Variants in LILRB1 observed in about 807,000 individuals in gnomAD.
LILRB1 encodes the protein leukocyte immunoglobulin-like receptor subfamily B member 1.
In LILRB1, 59 loss-of-function variants were observed where a neutral mutation model predicts 74.6. The observed-to-expected ratio is 0.79, with a 90% CI of 0.64 to 0.98. LILRB1 has a LOEUF of 0.98. LILRB1 is among the 50% of genes least tolerant of loss of function. The probability of loss-of-function intolerance (pLI) is 0.00; values close to 1 mark genes in which losing one functional copy is unlikely to be tolerated. For missense variants in LILRB1, 804 were observed against 822.6 expected (o/e 0.98, Z 0.28); for synonymous variants, 328 against 333.9 (o/e 0.98, Z 0.19).
rs576242823 is a variant in LILRB1 at position 54,634,351 on chromosome 19, T to C, written c.1364-290T>C. 3.4e-5 allele frequency: 52 copies of C among 1,539,842 alleles called. No homozygotes were observed. The South Asian group carries it at 6.0e-4, about 18-fold the overall frequency. On this transcript the variant is annotated intron_variant, in intron 9 of 14. Transcript: ENST00000324602. ...GAGTCATGGTTCAGGACGGTCAGGC[T>C]CTTTCCCTGCAGCTCCGGGGCTCGG... is the stretch of plus-strand genomic sequence containing the variant.
At chr19:54,627,687 C>G (rs376706078), upstream of LILRB1, among the ~76,000 whole-genome samples, 6 of 152,336 alleles carry the variant, frequency 3.9e-5, no homozygotes, top group African/African-American at 1.2e-4. Context: ...TTCTAAGCAG[C>G]TCTGTCAGCC....
At chr19:54,619,528 C>G (rs1432493900) in intron 1 of LILRB1, among the ~76,000 whole-genome samples, 2 of 152,062 alleles carry the variant, frequency 1.3e-5, no homozygotes, top group Non-Finnish European at 2.9e-5. Flanking sequence ...TATAATCTGT[C>G]TTTTTGAAAT....
upstream of LILRB1, among the ~76,000 whole-genome samples, chr19:54,616,957 G>A (rs933754123): frequency 6.6e-6 from 1 of 152,162 alleles, no homozygotes; most frequent in East Asian, 1.9e-4. Context: ...GCTTGTCCAG[G>A]AAGCACATAT....
In LILRB1 at chr19:54,636,427, G is replaced by A. The variant is rs1459844658; in HGVS notation, c.1654-67G>A. 3 of 1,591,316 alleles carry A rather than the reference G, an allele frequency of 1.9e-6. No homozygotes were observed. The East Asian group carries it at 6.7e-5, about 36-fold the overall frequency. ...ATGTAATCGGATCACCCGGGGAACA[G>A]TGAGGAAAATTGACTCCAGGGGGTC... On this transcript the variant is annotated intron_variant, in intron 13 of 14. Coordinates refer to ENST00000324602, the MANE Select transcript of LILRB1 (RefSeq NM_001081637.3).
chr19:54,630,001 C>T (rs2063717059), upstream of LILRB1, among the ~76,000 whole-genome samples: 1 of 152,134 alleles, frequency 6.6e-6, no homozygotes, highest in Admixed American at 6.5e-5. Context: ...ACGCCAAGAT[C>T]CTCTTATGTC....
chr19:54,621,155 T>A lies in LILRB1; in HGVS notation c.-166+3806T>A, dbSNP rs2063446065. On this transcript the variant is annotated intron_variant, in intron 1 of 15. Transcript: ENST00000396331. Reference sequence around the variant, plus strand: ...TCCCAAAGTGCTGGGATTACAGGCGTGAGCCACCACACCTGACCCAATTGT... The same window carrying A: ...TCCCAAAGTGCTGGGATTACAGGCGAGAGCCACCACACCTGACCCAATTGT... Among the ~76,000 whole-genome samples the A allele has an allele frequency of 2.0e-5, 3 of 152,348 alleles. No homozygotes were observed. In the South Asian group the frequency reaches 6.2e-4, roughly 32 times the overall value.
chr19:54,637,493 C>G lies in LILRB1; in HGVS notation c.*615C>G, dbSNP rs1322695196. ...TGAGCCAAGATCGCACCACTGCTCT[C>G]CAGCCTGGCGACAGAGGGAGACTCC... is the stretch of plus-strand genomic sequence containing the variant. On this transcript the variant is annotated 3_prime_UTR_variant, in exon 15 of 15. Transcript: ENST00000324602. 3 of 148,450 alleles carry G rather than the reference C, an allele frequency of 2.0e-5. No homozygotes were observed. In the East Asian group the frequency reaches 5.9e-4, roughly 29 times the overall value. 9.2% of individuals were successfully genotyped at this position (148,450 alleles called of 1,614,324 possible). A position where few individuals can be genotyped will look rare whatever the true frequency, so the allele number is the denominator to read the frequency against.
rs2063497066 is a variant in LILRB1, at chr19:54,623,183, G to A, written c.-166+5834G>A. Among the ~76,000 whole-genome samples, 23 of 152,296 alleles carry A rather than the reference G, an allele frequency of 1.5e-4. No individual in the cohort carries two copies. The South Asian group carries it at 4.6e-3, about 30-fold the overall frequency. ...CAGGGTGATATTGGTTTCATAGAAT[G>A]AGCTAGGAAAGAATCCCATCGCCTT... On this transcript the variant is annotated intron_variant, in intron 1 of 15. Coordinates refer to the LILRB1 transcript ENST00000396331.
In LILRB1 at chr19:54,636,946, A is replaced by T; in HGVS notation, c.*68A>T. ...TGCATGGGAGCTGCCCCCCCAGTGG[A>T]CACCATTGGACCCCACCCAGCCTGG... On this transcript the variant is annotated 3_prime_UTR_variant, in exon 15 of 15. Coordinates refer to ENST00000324602, the MANE Select transcript of LILRB1 (RefSeq NM_001081637.3). 1 of 1,590,768 alleles carries T rather than the reference A, an allele frequency of 6.3e-7. No homozygotes were observed. Among genetic ancestry groups the T allele is most frequent in the Non-Finnish European group, 8.6e-7 (1 of 1,163,806 alleles).
At chr19:54,622,900 G>A (rs2063491455) in intron 1 of LILRB1, among the ~76,000 whole-genome samples, 1 of 152,110 alleles carries the variant, frequency 6.6e-6, no homozygotes. Flanking sequence ...TTTCTCGAAC[G>A]CTTTATCTGC....
In LILRB1 at chr19:54,636,885, G is replaced by A. The variant is rs774498158; in HGVS notation, c.*7G>A. ...CACTCTGGCCATCCACTAGCCCAGG[G>A]GGGGACGCAGACCCCACACTCCATG... On this transcript the variant is annotated 3_prime_UTR_variant, in exon 15 of 15. Coordinates refer to ENST00000324602, the MANE Select transcript of LILRB1 (RefSeq NM_001081637.3). 1.2e-6 allele frequency: 2 copies of A among 1,613,494 alleles called. No homozygotes were observed. Among genetic ancestry groups the A allele is most frequent in the African/African-American group, 1.3e-5 (1 of 74,880 alleles).
rs764836255 is a variant in LILRB1 at position 54,631,630 on chromosome 19, A to G, written c.201A>G (p.Ala67=). 1.8e-5 allele frequency: 29 copies of G among 1,614,222 alleles called. No homozygotes were observed. The Admixed American group carries it at 4.2e-4, about 23-fold the overall frequency. Residue 67 remains alanine (A), a synonymous_variant, in exon 4 of 15, where the codon GCA becomes GCG. Transcript: ENST00000324602. Reference sequence around the variant, plus strand: ...GTCTATATAGAGAAAAGAAAACAGCACCCTGGATTACACGGATCCCACAGG... The same window carrying G: ...GTCTATATAGAGAAAAGAAAACAGCGCCCTGGATTACACGGATCCCACAGG... The part of the protein sequence containing the change: ...EYRLYREKKT[A]PWITRIPQEL...
At chr19:54,634,923 T>C in intron 10 of LILRB1, 160 bp downstream of exon 10, 1 of 1,465,738 alleles carries the variant, frequency 6.8e-7, no homozygotes, top group Admixed American at 2.1e-5. Context: ...ATGTAAAGTG[T>C]CCTTCGGGCT....
chr19:54,635,321 G>A, intron 12 of LILRB1, 25 bp downstream of exon 12: 3 of 1,612,588 alleles, frequency 1.9e-6, no homozygotes, highest in Non-Finnish European at 2.5e-6. Flanking sequence ...GAGGTGACCA[G>A]CCAGGAGGGA....
chr19:54,634,426 C>T, intron 9 of LILRB1: 2 of 1,522,792 alleles, frequency 1.3e-6, no homozygotes, highest in South Asian at 1.2e-5. Flanking sequence ...GCTTCCTTCC[C>T]AGCTCTGCCG....
In LILRB1 at chr19:54,635,549, C is replaced by T. The variant is rs774116750; in HGVS notation, c.1601-8C>T. 9 of 1,611,622 alleles carry T rather than the reference C, an allele frequency of 5.6e-6. No homozygotes were observed. In the South Asian group the frequency reaches 9.9e-5, roughly 18 times the overall value. ...CCAAGAGACAAACCCCTTGCTCTGCCCCAGCAGATGCTGCCGTGAAGCACA... is the reference window on the plus strand; with the variant it reads ...CCAAGAGACAAACCCCTTGCTCTGCTCCAGCAGATGCTGCCGTGAAGCACA... On this transcript the variant is annotated splice_polypyrimidine_tract_variant and splice_region_variant and intron_variant, in intron 12 of 14. Coordinates refer to ENST00000324602, the MANE Select transcript of LILRB1 (RefSeq NM_001081637.3).
intron 1 of LILRB1, among the ~76,000 whole-genome samples, chr19:54,624,986 A>C (rs1451812426): frequency 8.3e-6 from 1 of 120,704 alleles, no homozygotes; most frequent in Admixed American, 7.9e-5. Flanking sequence ...GGCAGCTGTG[A>C]GGCACAGGGC....
Position 54,634,740 on chromosome 19 carries a change from G to T in LILRB1, c.1463G>T (p.Arg488Leu). ...CTCTTCCTCATCCTCCGACATCGAC[G>T]TCAGGGCAAACACTGGACATCGAGT... ...LLLFLILRHR[R>L]QGKHWTSTQR... is the part of the protein sequence containing the mutation. Residue 488 changes from arginine (R) to leucine (L), a missense_variant, in exon 10 of 15, where the codon CGT becomes CTT. Physicochemically the swap from Arg to Leu is moderately radical, Grantham distance 102 (BLOSUM62 -2). Transcript: ENST00000324602. 1 of 1,613,946 alleles carries T rather than the reference G, an allele frequency of 6.2e-7. No homozygotes were observed. The highest frequency in any genetic ancestry group is 8.5e-7 in the Non-Finnish European group (1 of 1,179,960).
upstream of LILRB1, among the ~76,000 whole-genome samples, chr19:54,630,227 C>T (rs937512395): frequency 1.2e-4 from 3 of 24,894 alleles, no homozygotes; most frequent in Admixed American, 9.3e-4. Context: ...AACTCCCCCC[C>T]AACTCCCCAA....
Sources: allele counts gnomAD v4.1 joint callset (sites outside exome capture counted in the v4.1 genomes callset), GRCh38; gene constraint gnomAD v4.1.1; transcripts MANE v1.5; gene names NCBI Gene and HGNC (gene_info 2026-07-23, HGNC 2026-07-21).